PTPRB: variants seen among roughly 807,000 people sequenced by gnomAD.
The protein encoded by PTPRB is protein tyrosine phosphatase receptor type B.
Under a neutral mutation model 238.1 loss-of-function variants are expected in PTPRB, and 97 were observed. The observed-to-expected ratio is 0.41, with a 90% CI of 0.35 to 0.48. The LOEUF is 0.48. PTPRB is among the 20% of genes least tolerant of loss of function. PTPRB has a pLI of 0.30. For synonymous variants in PTPRB, 970 were observed against 995.4 expected, an observed-to-expected ratio of 0.97 and a Z score of 0.48; for missense variants, 2,292 against 2,681.9, an observed-to-expected ratio of 0.85 and a Z score of 3.21.
chr12:70,593,612 C>G (rs1882713599), intron 6 of PTPRB, among the ~76,000 whole-genome samples: 1 of 145,296 alleles, frequency 6.9e-6, no homozygotes, highest in African/African-American at 2.5e-5. Context: ...ACATAAATAA[C>G]TTTTAAGATA....
At chr12:70,604,128 C>G (rs926184132) in intron 4 of PTPRB, among the ~76,000 whole-genome samples, 1 of 152,076 alleles carries the variant, frequency 6.6e-6, no homozygotes, top group African/African-American at 2.4e-5. Context: ...GTAGTCCCAG[C>G]CACTCAGGAG....
chr12:70,548,619 G>C (rs1876439123), intron 21 of PTPRB, among the ~76,000 whole-genome samples: 1 of 152,126 alleles, frequency 6.6e-6, no homozygotes, highest in Non-Finnish European at 1.5e-5. Flanking sequence ...CTTTAGGAAG[G>C]AGATAATTAC....
chr12:70,572,779 A>C (rs1460331508), intron 11 of PTPRB, among the ~76,000 whole-genome samples: 1 of 150,894 alleles, frequency 6.6e-6, no homozygotes, highest in Non-Finnish European at 1.5e-5. Context: ...ATCTCATAAA[A>C]AAAAAAAAAA....
chr12:70,522,405 G>C (rs1871751916), intron 33 of PTPRB: 1 of 152,190 alleles, frequency 6.6e-6, no homozygotes, highest in African/African-American at 2.4e-5. Flanking sequence ...GCAACCTCCT[G>C]AAAGACTCTG....
intron 21 of PTPRB, among the ~76,000 whole-genome samples, chr12:70,546,486 G>A (rs930002451): frequency 3.9e-5 from 6 of 152,038 alleles, no homozygotes; most frequent in Admixed American, 3.9e-4. Context: ...AATTTCTGGG[G>A]GCATATTTTA....
At chr12:70,588,417 T>G (rs1344338522) in intron 8 of PTPRB, among the ~76,000 whole-genome samples, 2 of 152,146 alleles carry the variant, frequency 1.3e-5, no homozygotes, top group Non-Finnish European at 2.9e-5. Context: ...GTGGATCACC[T>G]GAGGTCAAGA....
chr12:70,585,454 G>A (rs1483291736), intron 9 of PTPRB, among the ~76,000 whole-genome samples: 1 of 151,976 alleles, frequency 6.6e-6, no homozygotes, highest in East Asian at 1.9e-4. Context: ...TGTGTCCAAG[G>A]AGGGAGGTGA....
chr12:70,572,190 T>G lies in PTPRB; in HGVS notation c.2843-103A>C, dbSNP rs1405761394. 4.1e-6 allele frequency: 5 copies of G among 1,226,130 alleles called. No individual in the cohort carries two copies. The East Asian group carries it at 1.2e-4, about 29-fold the overall frequency. The allele number at this position is 1,226,130 out of a possible 1,614,324, so 76.0% of individuals were successfully genotyped here. On this transcript the variant is annotated intron_variant, in intron 11 of 33. Transcript: ENST00000334414. ...ATAAAAAGAGAGAGTAGATTATTAT[T>G]GTGTGCATTTAAAAGAAAAATCTTA...
At chr12:70,635,141 T>C (rs1433063693) in intron 2 of PTPRB, among the ~76,000 whole-genome samples, 1 of 152,182 alleles carries the variant, frequency 6.6e-6, no homozygotes, top group Non-Finnish European at 1.5e-5. Flanking sequence ...TTCAAAAGTG[T>C]GTTACCTCCA....
In PTPRB at chr12:70,540,991, G is replaced by T. The variant is rs1215995530; in HGVS notation, c.5495-34C>A. 2.0e-6 allele frequency: 3 copies of T among 1,535,810 alleles called. No homozygotes were observed. In the East Asian group the frequency reaches 7.0e-5, roughly 36 times the overall value. On this transcript the variant is annotated intron_variant, in intron 22 of 33. Coordinates refer to ENST00000334414, the MANE Select transcript of PTPRB (RefSeq NM_001109754.4). ...ATCCAGATAGAAACAACAAACGCAG[G>T]TGGGAAAATTAGTGCTAGGGAACCA... is the stretch of plus-strand genomic sequence containing the variant.
intron 4 of PTPRB, 86 bp downstream of exon 4, chr12:70,608,983 C>T: frequency 6.8e-7 from 1 of 1,474,012 alleles, no homozygotes; most frequent in South Asian, 1.3e-5. Context: ...TTTTGTATCC[C>T]TGGAACTCAA....
At chr12:70,631,188 G>T (rs11178338) in intron 2 of PTPRB, among the ~76,000 whole-genome samples, 1 of 151,908 alleles carries the variant, frequency 6.6e-6, no homozygotes, top group Non-Finnish European at 1.5e-5. Context: ...ATACTACAAG[G>T]CTACAGTAAC....
chr12:70,523,507 G>A (rs1438153413), intron 33 of PTPRB, among the ~76,000 whole-genome samples: 1 of 152,146 alleles, frequency 6.6e-6, no homozygotes, highest in African/African-American at 2.4e-5. Context: ...TTTCCAAAGG[G>A]ATTTTACAAT....
At chr12:70,532,727 G>T (rs1273954964) in intron 31 of PTPRB, among the ~76,000 whole-genome samples, 1 of 151,448 alleles carries the variant, frequency 6.6e-6, no homozygotes, top group Non-Finnish European at 1.5e-5. Flanking sequence ...CTGCAGCCTC[G>T]ACCTCCCAGG....
chr12:70,612,338 T>G (rs981769619), intron 3 of PTPRB, among the ~76,000 whole-genome samples: 3 of 152,216 alleles, frequency 2.0e-5, no homozygotes, highest in African/African-American at 7.2e-5. Flanking sequence ...TGTAATATAT[T>G]CAAGGAAGTA....
Position 70,594,456 on chromosome 12 carries a change from G to T in PTPRB, c.1516+11C>A. The T allele has an allele frequency of 6.2e-7, 1 of 1,611,254 alleles. No homozygotes were observed. ...ACTTTATTCTTCTTCAGCTAGCTAG[G>T]GGGAACTTACCTGTCCTGACTAGTT... On this transcript the variant is annotated intron_variant, in intron 6 of 33. Coordinates refer to ENST00000334414, the MANE Select transcript of PTPRB (RefSeq NM_001109754.4).
At chr12:70,556,532 CA>C (rs1877708427) in intron 18 of PTPRB, among the ~76,000 whole-genome samples, 1 of 152,060 alleles carries the variant, frequency 6.6e-6, no homozygotes, top group Non-Finnish European at 1.5e-5. Flanking sequence ...GGAACAACCA[CA>C]AAAGGTGTAT....
At chr12:70,577,647 A>G (rs1376730417) in intron 10 of PTPRB, among the ~76,000 whole-genome samples, 2 of 152,224 alleles carry the variant, frequency 1.3e-5, no homozygotes, top group East Asian at 3.8e-4. Flanking sequence ...TACATCACTT[A>G]TAATGGACAG....
intron 3 of PTPRB, 35 bp downstream of exon 3, chr12:70,622,355 G>A (rs917496407): frequency 1.2e-6 from 2 of 1,606,066 alleles, no homozygotes; most frequent in African/African-American, 2.7e-5. Flanking sequence ...CCTGAGACGT[G>A]CACAGACCAC....
Sources: allele counts gnomAD v4.1 joint callset (sites outside exome capture counted in the v4.1 genomes callset), GRCh38; gene constraint gnomAD v4.1.1; transcripts MANE v1.5; gene names NCBI Gene and HGNC (gene_info 2026-07-23, HGNC 2026-07-21).